The following ZNF626 variants were observed in gnomAD, a reference collection of about 807,000 sequenced individuals.
ZNF626 encodes the protein CTC-513N18.7.
Under a neutral mutation model 11.7 loss-of-function variants are expected in ZNF626, and 4 were observed. The observed-to-expected ratio is 0.34, with a 90% CI of 0.17 to 0.78. The LOEUF is 0.78. ZNF626 is among the 30% of genes least tolerant of loss of function. ZNF626 has a pLI of 0.57. For synonymous variants in ZNF626, 179 were observed against 198.6 expected, an observed-to-expected ratio of 0.90 and a Z score of 0.83; for missense variants, 588 against 587.1, an observed-to-expected ratio of 1.00 and a Z score of -0.01.
Position 20,625,012 on chromosome 19 carries a change from C to T in ZNF626, c.865G>A (p.Glu289Lys). Residue 289 changes from glutamate (E) to lysine (K), a missense_variant, in exon 4 of 4, where the codon GAA becomes AAA. Glu to Lys is a moderately conservative substitution (Grantham distance 56). Coordinates refer to ENST00000601440, the MANE Select transcript of ZNF626 (RefSeq NM_001076675.3). ...HTEKKPYKCE[E>K]CGKAFNRSST... ...GACCGGTTGAAGGCTTTGCCACATT[C>T]TTCACATTTGTAGGGTTTCTTTTCC... 1 of 1,613,794 alleles carries T rather than the reference C, an allele frequency of 6.2e-7. No homozygotes were observed. Among genetic ancestry groups the T allele is most frequent in the South Asian group, 1.1e-5 (1 of 91,078 alleles).
chr19:20,637,777 C>T (rs1026503922), intron 3 of ZNF626, among the ~76,000 whole-genome samples: 5 of 151,914 alleles, frequency 3.3e-5, no homozygotes, highest in Admixed American at 2.0e-4. Flanking sequence ...AATAAAACTA[C>T]TAGAAACACA....
rs115537817 is a variant in ZNF626 at position 20,628,627 on chromosome 19, C to T, written c.227-2977G>A. The stretch of plus-strand genomic sequence containing the variant: ...TCCTTCGCCCATCAAAAAGATGGGG[C>T]TGTTTGTTTTTTTCTTGTAAACTTG... On this transcript the variant is annotated intron_variant, in intron 3 of 3. Coordinates refer to ENST00000601440, the MANE Select transcript of ZNF626 (RefSeq NM_001076675.3). Among the ~76,000 whole-genome samples the T allele has an allele frequency of 5.5e-3, 832 of 152,084 alleles. 10 individuals carry two copies. The highest frequency in any genetic ancestry group is 0.02 in the African/African-American group (813 of 41,492).
chr19:20,629,014 T>C (rs1555770093), intron 3 of ZNF626, among the ~76,000 whole-genome samples: 1 of 152,204 alleles, frequency 6.6e-6, no homozygotes, highest in Non-Finnish European at 1.5e-5. Context: ...TAGCCAGTTT[T>C]CCCAGCACCA....
At position 20,625,133 on chromosome 19, in the gene ZNF626, C is replaced by T. The variant is rs781861808; in HGVS notation, c.744G>A (p.Lys248=). 1 of 1,612,536 alleles carries T rather than the reference C, an allele frequency of 6.2e-7. No homozygotes were observed. The highest frequency in any genetic ancestry group is 8.5e-7 in the Non-Finnish European group (1 of 1,179,748). ...AGGGTTTCTCTCCAGTATGATTTCTCTTATGTGTAGTAAGAGTGGAGGAGT... is the reference window on the plus strand; with the variant it reads ...AGGGTTTCTCTCCAGTATGATTTCTTTTATGTGTAGTAAGAGTGGAGGAGT... ...FKHSSTLTTH[K]RNHTGEKPYK... The change falls in exon 4 of 4, where the codon AAG becomes AAA. Residue 248 remains lysine, a synonymous_variant. Coordinates refer to ENST00000601440, the MANE Select transcript of ZNF626 (RefSeq NM_001076675.3).
intron 3 of ZNF626, among the ~76,000 whole-genome samples, chr19:20,634,689 T>C (rs1466764306): frequency 6.6e-6 from 1 of 152,214 alleles, no homozygotes; most frequent in Non-Finnish European, 1.5e-5. Flanking sequence ...AAGATGTCTA[T>C]ACTGTTCAAT....
intron 1 of ZNF626, among the ~76,000 whole-genome samples, chr19:20,658,014 G>A (rs1053161255): frequency 2.0e-5 from 3 of 151,810 alleles, no homozygotes; most frequent in Non-Finnish European, 4.4e-5. Flanking sequence ...TAGTACCTCA[G>A]TGACAAAATA....
At chr19:20,659,761 C>A (rs545209542) in intron 1 of ZNF626, among the ~76,000 whole-genome samples, 1 of 151,600 alleles carries the variant, frequency 6.6e-6, no homozygotes, top group Non-Finnish European at 1.5e-5. Flanking sequence ...TTTTAGAAAG[C>A]GTAAAAAGTG....
intron 3 of ZNF626, among the ~76,000 whole-genome samples, chr19:20,638,185 G>C (rs1969986174): frequency 6.6e-6 from 1 of 152,068 alleles, no homozygotes; most frequent in African/African-American, 2.4e-5. Context: ...CACTTTGGGA[G>C]GCCGAAATGG....
chr19:20,624,439 GTCTC>G lies in ZNF626; in HGVS notation c.1434_1437del (p.Glu478AspfsTer33), dbSNP rs782273542. 2.9e-6 allele frequency: 2 copies of G among 679,952 alleles called. No individual in the cohort carries two copies. Among genetic ancestry groups the G allele is most frequent in the African/African-American group, 4.0e-5 (2 of 49,448 alleles). 42.1% of individuals were successfully genotyped at this position (679,952 alleles called of 1,614,324 possible). ...TTGCCACATTCTTCACATTTGTAGG[GTCTC>G]TCTCCAGTATGAATTTTCTTATGTG... On this transcript the variant is annotated frameshift_variant, in exon 4 of 4. Transcript: ENST00000601440. LOFTEE classifies it low-confidence loss of function (END_TRUNC).
Position 20,624,869 on chromosome 19 carries a change from A to C in ZNF626, c.1008T>G (p.Thr336=), listed in dbSNP as rs782181932. Residue 336 remains threonine (T), a synonymous_variant, in exon 4 of 4, where the codon ACT becomes ACG. Coordinates refer to ENST00000601440, the MANE Select transcript of ZNF626 (RefSeq NM_001076675.3). The stretch of plus-strand genomic sequence containing the variant: ...CTTCACATTTGTAGGGTTTGTCTTC[A>C]GTATGAATTCTTTTATGTGTAGTAA... The part of the protein sequence containing the change: ...YTLTTHKRIH[T]EDKPYKCEEC... 4 of 1,613,664 alleles carry C rather than the reference A, an allele frequency of 2.5e-6. No individual in the cohort carries two copies. The highest frequency in any genetic ancestry group is 3.4e-6 in the Non-Finnish European group (4 of 1,179,966).
intron 3 of ZNF626, among the ~76,000 whole-genome samples, chr19:20,626,279 G>C (rs1969831324): frequency 6.6e-6 from 1 of 152,068 alleles, no homozygotes; most frequent in Non-Finnish European, 1.5e-5. Context: ...ACATTATAAA[G>C]ATTGTAACAG....
intron 3 of ZNF626, among the ~76,000 whole-genome samples, chr19:20,637,018 CA>C (rs74172354): frequency 0.13 from 7,824 of 58,322 alleles, 286 homozygotes; most frequent in South Asian, 0.24. Context: ...GACTCCATCT[CA>C]AAAAAAAAAA....
chr19:20,639,801 GA>G (rs1433248113), intron 3 of ZNF626, among the ~76,000 whole-genome samples: 16 of 152,182 alleles, frequency 1.1e-4, no homozygotes, highest in African/African-American at 3.9e-4. Flanking sequence ...AATAAAAACT[GA>G]ATGAAACTAG....
intron 3 of ZNF626, chr19:20,645,317 G>A (rs1336799936): frequency 5.2e-6 from 8 of 1,551,542 alleles, no homozygotes; most frequent in Non-Finnish European, 6.9e-6. Context: ...AACTTTGAGA[G>A]TAATTTTAGT....
intron 3 of ZNF626, among the ~76,000 whole-genome samples, chr19:20,627,632 G>C (rs1181999419): frequency 6.6e-6 from 1 of 151,864 alleles, no homozygotes; most frequent in African/African-American, 2.4e-5. Context: ...TTCCAATCAA[G>C]AGATATACTT....
intron 1 of ZNF626, among the ~76,000 whole-genome samples, chr19:20,648,666 T>C (rs962724962): frequency 2.0e-5 from 3 of 152,196 alleles, no homozygotes; most frequent in Non-Finnish European, 2.9e-5. Context: ...CCACGGCACC[T>C]GGCCTAAATC....
chr19:20,659,742 A>C (rs1444637923), intron 1 of ZNF626, among the ~76,000 whole-genome samples: 1 of 151,678 alleles, frequency 6.6e-6, no homozygotes, highest in East Asian at 1.9e-4. Context: ...CATAAATCTA[A>C]TATTCTTATT....
chr19:20,621,443 A>G lies in ZNF626; in HGVS notation c.*2847T>C, dbSNP rs935987548. 1 of 152,178 alleles carries G rather than the reference A, an allele frequency of 6.6e-6. No homozygotes were observed. Among genetic ancestry groups the G allele is most frequent in the Non-Finnish European group, 1.5e-5 (1 of 68,038 alleles). The allele number at this position is 152,178 out of a possible 1,614,324, so 9.4% of individuals were successfully genotyped here. A position where few individuals can be genotyped will look rare whatever the true frequency, so the allele number is the denominator to read the frequency against. On this transcript the variant is annotated 3_prime_UTR_variant, in exon 4 of 4. Transcript: ENST00000601440. ...GCCCATATTCTATTTATATTTCTGT[A>G]TAATTTTTATTATGACCATAAAAAT...
At chr19:20,632,189 T>A (rs546370627) in intron 3 of ZNF626, among the ~76,000 whole-genome samples, 1 of 152,238 alleles carries the variant, frequency 6.6e-6, no homozygotes, top group Non-Finnish European at 1.5e-5. Context: ...CCTTTGTGGA[T>A]AACCCGAGCT....
Sources: gnomAD v4.1 joint callset for allele counts (sites outside exome capture counted in the v4.1 genomes callset) on GRCh38, gnomAD v4.1.1 for gene constraint, MANE v1.5 for transcripts, NCBI Gene and HGNC (gene_info 2026-07-23, HGNC 2026-07-21) for gene names.